TLN2: variants seen among roughly 807,000 people sequenced by gnomAD.
TLN2 encodes the protein talin-2.
A neutral mutation model predicts 294.7 loss-of-function variants in TLN2; 118 were observed. The observed-to-expected ratio is 0.40, with a 90% CI of 0.34 to 0.47. TLN2 has a LOEUF of 0.47. TLN2 is among the 20% of genes least tolerant of loss of function. The probability of loss-of-function intolerance (pLI) is 0.84; values close to 1 mark genes in which losing one functional copy is unlikely to be tolerated. For missense variants in TLN2, 3,083 were observed against 3,282.2 expected (o/e 0.94, Z 1.48); for synonymous variants, 1,431 against 1,304.5 (o/e 1.10, Z -2.09).
intron 28 of TLN2, among the ~76,000 whole-genome samples, chr15:62,729,522 C>T (rs955622051): frequency 6.7e-6 from 1 of 149,752 alleles, no homozygotes; most frequent in African/African-American, 2.5e-5. Context: ...TCTTTTCTCT[C>T]AGTACAGTTT....
At chr15:62,651,666 C>T (rs1020376519) in intron 5 of TLN2, among the ~76,000 whole-genome samples, 2 of 151,992 alleles carry the variant, frequency 1.3e-5, no homozygotes, top group Non-Finnish European at 2.9e-5. Context: ...TGCAGGGCGG[C>T]TTATGGAAAC....
At chr15:62,550,261 T>C (rs927272353) in intron 1 of TLN2, among the ~76,000 whole-genome samples, 3 of 152,052 alleles carry the variant, frequency 2.0e-5, no homozygotes, top group Admixed American at 1.3e-4. Flanking sequence ...AATAATAGTT[T>C]AGGTTTATTT....
At chr15:62,820,454 T>A (rs1297957405) in intron 53 of TLN2, 32 bp from the exon 54 acceptor site, 1 of 1,611,324 alleles carries the variant, frequency 6.2e-7, no homozygotes. Context: ...TCTGCAGCTA[T>A]GAAGAATCAC....
intron 1 of TLN2, among the ~76,000 whole-genome samples, chr15:62,467,116 T>C (rs1473994204): frequency 6.6e-6 from 1 of 152,218 alleles, no homozygotes; most frequent in Non-Finnish European, 1.5e-5. Context: ...GGAATGGCTG[T>C]GGGTGCCTGT....
chr15:62,611,666 A>G (rs1243153848), intron 2 of TLN2, among the ~76,000 whole-genome samples: 1 of 152,122 alleles, frequency 6.6e-6, no homozygotes, highest in Non-Finnish European at 1.5e-5. Flanking sequence ...CTCACTACCC[A>G]GAGGGATCAT....
At position 62,694,298 on chromosome 15, in the gene TLN2, GT is replaced by G; in HGVS notation, c.1216-14del. ...GGCCTGGTTTTCATTTTTGCATCTT[GT>G]TTTATTGCATTTCCAGAAACAAAGT... On this transcript the variant is annotated splice_polypyrimidine_tract_variant and intron_variant, in intron 13 of 58. Coordinates refer to ENST00000636159, the MANE Select transcript of TLN2 (RefSeq NM_015059.3). The G allele has an allele frequency of 6.2e-7, 1 of 1,613,672 alleles. No individual in the cohort carries two copies. The highest frequency in any genetic ancestry group is 8.5e-7 in the Non-Finnish European group (1 of 1,179,716).
At chr15:62,562,906 TCACACACACACACACACACA>T (rs61578830) in intron 1 of TLN2, among the ~76,000 whole-genome samples, 1,551 of 99,316 alleles carry the variant, frequency 0.016, 19 homozygotes, top group African/African-American at 0.02. Flanking sequence ...TAGTATTCCA[TCACACACACACACACACACA>T]CACACACACA....
chr15:62,709,905 T>C (rs1386044637), intron 21 of TLN2, among the ~76,000 whole-genome samples: 1 of 152,028 alleles, frequency 6.6e-6, no homozygotes, highest in Non-Finnish European at 1.5e-5. Flanking sequence ...CGGCTAATTT[T>C]TGTATTTTTA....
rs760828345 is a variant in TLN2 at position 62,776,835 on chromosome 15, G to A, written c.5439G>A (p.Val1813=). 2 of 1,602,056 alleles carry A rather than the reference G, an allele frequency of 1.2e-6. No individual in the cohort carries two copies. The highest frequency in any genetic ancestry group is 1.7e-6 in the Non-Finnish European group (2 of 1,174,062). ...LMKEAVDDIM[V]TLNEAASEVG... is the part of the protein sequence containing the mutation. The stretch of plus-strand genomic sequence containing the variant: ...AGGAAGCCGTGGATGACATCATGGT[G>A]ACGCTGAACGAAGCTGCCAGTGAAG... The change falls in exon 43 of 59, where the codon GTG becomes GTA. Residue 1813 remains valine, a synonymous_variant. Coordinates refer to ENST00000636159, the MANE Select transcript of TLN2 (RefSeq NM_015059.3).
At chr15:62,541,037 G>T (rs1225524375) in intron 1 of TLN2, among the ~76,000 whole-genome samples, 1 of 152,126 alleles carries the variant, frequency 6.6e-6, no homozygotes, top group East Asian at 1.9e-4. Flanking sequence ...ACTAGGCTGT[G>T]AACTTCTAAA....
chr15:62,683,771 A>C (rs868447840), intron 11 of TLN2, among the ~76,000 whole-genome samples: 40 of 152,120 alleles, frequency 2.6e-4, no homozygotes, highest in Admixed American at 2.6e-3. Context: ...TGCTTTGTCT[A>C]CTGGAGATAA....
Position 62,697,742 on chromosome 15 carries a change from A to T in TLN2, c.1347A>T (p.Ser449=). The T allele has an allele frequency of 6.2e-7, 1 of 1,611,940 alleles. No homozygotes were observed. The highest frequency in any genetic ancestry group is 1.1e-5 in the South Asian group (1 of 91,016). ...FNRTGKAEHG[S]VALPAVMRSG... ...GGACCGGGAAGGCAGAGCACGGCTC[A>T]GTGGCGCTGCCGGCCGTGATGCGCT... The change falls in exon 15 of 59, where the codon TCA becomes TCT. Residue 449 remains serine (S), a synonymous_variant. Coordinates refer to ENST00000636159, the MANE Select transcript of TLN2 (RefSeq NM_015059.3).
At chr15:62,548,490 A>C (rs1425462303) in intron 1 of TLN2, among the ~76,000 whole-genome samples, 2 of 152,206 alleles carry the variant, frequency 1.3e-5, no homozygotes, top group Admixed American at 6.5e-5. Flanking sequence ...AGGGTTCTCT[A>C]GGTGTGTCTT....
At chr15:62,418,251 C>G (rs1043371154) in intron 1 of TLN2, among the ~76,000 whole-genome samples, 2 of 152,324 alleles carry the variant, frequency 1.3e-5, no homozygotes, top group East Asian at 1.9e-4. Context: ...GAGTCCTCCT[C>G]TCTCCCAGTT....
rs1025720098 is a variant in TLN2 at position 62,572,535 on chromosome 15, T to C, written c.-237-17152T>C. On this transcript the variant is annotated intron_variant, in intron 1 of 58. Transcript: ENST00000636159. ...TGCTGGGATTACAGGGCAGCCTTTTTTTCCCCCTTAGATGGAGCCTACTCT... is the reference window on the plus strand; with the variant it reads ...TGCTGGGATTACAGGGCAGCCTTTTCTTCCCCCTTAGATGGAGCCTACTCT... Among the ~76,000 whole-genome samples, 13 of 152,208 alleles carry C rather than the reference T, an allele frequency of 8.5e-5. 1 individual carries two copies. Among genetic ancestry groups the C allele is most frequent in the Admixed American group, 7.9e-4 (12 of 15,286 alleles).
At position 62,744,749 on chromosome 15, in the gene TLN2, G is replaced by A. The variant is rs1283526735; in HGVS notation, c.4026-3602G>A. 2.0e-5 allele frequency among the ~76,000 whole-genome samples: 3 copies of A among 152,138 alleles called. No individual in the cohort carries two copies. In the East Asian group the frequency reaches 5.8e-4, roughly 29 times the overall value. On this transcript the variant is annotated intron_variant, in intron 32 of 58. Coordinates refer to ENST00000636159, the MANE Select transcript of TLN2 (RefSeq NM_015059.3). ...TTTAGTAGAGACGGGGTTTCACCAT[G>A]TTGGCCAGGCTGGTCTCAAAACTCC...
At chr15:62,760,870 A>G (rs1038145729) in intron 37 of TLN2, among the ~76,000 whole-genome samples, 1 of 152,136 alleles carries the variant, frequency 6.6e-6, no homozygotes, top group African/African-American at 2.4e-5. Context: ...AGTTCAGTGA[A>G]TTTTCTCAAG....
Position 62,752,329 on chromosome 15 carries a change from A to G in TLN2, c.4234A>G (p.Ile1412Val). The G allele has an allele frequency of 1.9e-6, 3 of 1,613,994 alleles. No homozygotes were observed. The highest frequency in any genetic ancestry group is 2.2e-5 in the East Asian group (1 of 44,866). ...GGTTCTGGGTGAATCGATGGCAGGG[A>G]TTTCACAGAATGCCAAGACCGGAGA... ...SKVLGESMAGISQNAKTGDLP... is the reference protein window; with the variant it reads ...SKVLGESMAGVSQNAKTGDLP... The change falls in exon 35 of 59, where the codon ATT (isoleucine) becomes GTT (valine). Residue 1412 changes from isoleucine to valine, a missense_variant. Ile to Val is a conservative substitution (Grantham distance 29, BLOSUM62 3). Transcript: ENST00000636159.
chr15:62,745,211 G>A (rs1224123543), intron 32 of TLN2, among the ~76,000 whole-genome samples: 6 of 152,104 alleles, frequency 3.9e-5, no homozygotes, highest in African/African-American at 1.4e-4. Context: ...TTTAGAAACT[G>A]AGAGTAGATA....
Sources: allele counts gnomAD v4.1 joint callset (sites outside exome capture counted in the v4.1 genomes callset), GRCh38; gene constraint gnomAD v4.1.1; transcripts MANE v1.5; gene names NCBI Gene and HGNC (gene_info 2026-07-23, HGNC 2026-07-21).